CYP4X1: variants seen among roughly 807,000 people sequenced by gnomAD.
The protein encoded by CYP4X1 is cytochrome P450 family 4 subfamily X member 1, also known as cytochrome P450 4X1.
In CYP4X1, 44 loss-of-function variants were observed where a neutral mutation model predicts 57.9. The observed-to-expected ratio is 0.76, with a 90% confidence interval of 0.60 to 0.98. CYP4X1 has a LOEUF of 0.98. CYP4X1 is among the 50% of genes least tolerant of loss of function. CYP4X1 has a pLI of 0.00. For missense variants in CYP4X1, 532 were observed against 623.9 expected (o/e 0.85, Z 1.57); for synonymous variants, 227 against 228.6 (o/e 0.99, Z 0.06).
intron 11 of CYP4X1, among the ~76,000 whole-genome samples, 153 bp from the exon 12 acceptor site, chr1:47,049,847 A>C (rs2148517660): frequency 6.6e-6 from 1 of 151,694 alleles, no homozygotes; most frequent in South Asian, 2.1e-4. Context: ...TCTCACAGTG[A>C]ACAATTTAAG....
At chr1:47,002,809 T>A in the CYP4X1 span, among the ~76,000 whole-genome samples, 20 of 152,242 alleles carry the variant, frequency 1.3e-4, no homozygotes, top group African/African-American at 4.8e-4. Flanking sequence ...AATATTGTGA[T>A]ATGTGGACTA....
rs1644352299 is a variant in CYP4X1 at position 47,050,498 on chromosome 1, T to C, written c.*324T>C. On this transcript the variant is annotated 3_prime_UTR_variant, in exon 12 of 12. Transcript: ENST00000371901. ...ATGCAAGTAATAAGTGCATGTATGCTCACTGTCAAAAATTCCCAACACTAG... is the reference window on the plus strand; with the variant it reads ...ATGCAAGTAATAAGTGCATGTATGCCCACTGTCAAAAATTCCCAACACTAG... 6.0e-6 allele frequency: 1 copy of C among 167,398 alleles called. No individual in the cohort carries two copies. The highest frequency in any genetic ancestry group is 2.4e-5 in the African/African-American group (1 of 41,852). The allele number at this position is 167,398 out of a possible 1,614,324, so 10.4% of individuals were successfully genotyped here.
chr1:47,019,927 C>T (rs1037383806), upstream of CYP4X1, among the ~76,000 whole-genome samples: 4 of 152,194 alleles, frequency 2.6e-5, no homozygotes, highest in African/African-American at 9.7e-5. Context: ...TTTAGCTGTC[C>T]TTATTATATT....
rs757338909 is a variant in CYP4X1, at chr1:47,023,949, C to G, written c.132C>G (p.Arg44=). ...GGCAGCGGCTGCTGCGGGACCTGCG[C>G]CCCTTCCCAGCGCCCCCCACCCACT... ...LRRQRLLRDL[R]PFPAPPTHWF... The change falls in exon 1 of 12, where the codon CGC becomes CGG. Residue 44 remains arginine, a synonymous_variant. Transcript: ENST00000371901. The G allele has an allele frequency of 1.9e-6, 3 of 1,613,240 alleles. No homozygotes were observed. The East Asian group carries it at 6.7e-5, about 36-fold the overall frequency.
chr1:47,026,029 T>G (rs1644059731), intron 1 of CYP4X1, among the ~76,000 whole-genome samples: 1 of 152,170 alleles, frequency 6.6e-6, no homozygotes, highest in Non-Finnish European at 1.5e-5. Context: ...TCCATTGATC[T>G]ATATGTCTAT....
chr1:46,985,622 C>T, the CYP4X1 span, among the ~76,000 whole-genome samples: 1 of 152,178 alleles, frequency 6.6e-6, no homozygotes, highest in African/African-American at 2.4e-5. Context: ...AGAGCTCCGG[C>T]TGGCATCTGG....
At chr1:46,971,068 C>A in the CYP4X1 span, among the ~76,000 whole-genome samples, 1 of 152,064 alleles carries the variant, frequency 6.6e-6, no homozygotes, top group Non-Finnish European at 1.5e-5. Flanking sequence ...ATTTTTGATC[C>A]TTAACCCCCT....
chr1:47,038,995 G>A (rs1410981471), intron 7 of CYP4X1, among the ~76,000 whole-genome samples: 2 of 152,116 alleles, frequency 1.3e-5, no homozygotes, highest in African/African-American at 4.8e-5. Flanking sequence ...AAGATTTGAG[G>A]ATTGTCATAT....
At chr1:47,045,027 G>A (rs1011955505) in intron 8 of CYP4X1, among the ~76,000 whole-genome samples, 2 of 152,102 alleles carry the variant, frequency 1.3e-5, no homozygotes, top group Non-Finnish European at 2.9e-5. Context: ...GTTTCTCCAT[G>A]TTGGTCAGGC....
At chr1:46,984,882 GC>G in the CYP4X1 span, among the ~76,000 whole-genome samples, 1 of 152,204 alleles carries the variant, frequency 6.6e-6, no homozygotes, top group Non-Finnish European at 1.5e-5. Context: ...TGGAAAGGGG[GC>G]TAAAGCCAGA....
At chr1:47,020,804 C>T (rs1396660031), upstream of CYP4X1, among the ~76,000 whole-genome samples, 1 of 152,154 alleles carries the variant, frequency 6.6e-6, no homozygotes, top group African/African-American at 2.4e-5. Flanking sequence ...CTTAATGGAT[C>T]AAAAATATAG....
At chr1:47,053,920 T>A (rs1390928699), downstream of CYP4X1, among the ~76,000 whole-genome samples, 1 of 152,212 alleles carries the variant, frequency 6.6e-6, no homozygotes, top group Non-Finnish European at 1.5e-5. Flanking sequence ...CTCTTTCGTT[T>A]AATTAGATCC....
chr1:47,010,911 T>G, the CYP4X1 span, among the ~76,000 whole-genome samples: 1 of 152,094 alleles, frequency 6.6e-6, no homozygotes, highest in Non-Finnish European at 1.5e-5. Flanking sequence ...TAAAAGAGGA[T>G]ACAAACAAAT....
the CYP4X1 span, chr1:46,961,471 C>T: frequency 1.4e-5 from 14 of 1,013,256 alleles, no homozygotes; most frequent in African/African-American, 3.4e-5. Context: ...TGGTTTGAAC[C>T]GTTCACTGGC....
chr1:47,023,819 TG>T lies in CYP4X1; in HGVS notation c.4del (p.Glu2?). On this transcript the variant is annotated frameshift_variant and start_lost, in exon 1 of 12. Coordinates refer to ENST00000371901, the MANE Select transcript of CYP4X1 (RefSeq NM_178033.2). LOFTEE classifies it high-confidence loss of function. The part of the protein sequence containing the change: [M>X]EFSWLETRWA... ...CGGCGTTCGGCGCTGCGCAGAGCCATGGAATTCTCCTGGCTGGAGACGCGCT... is the reference window on the plus strand; with the variant it reads ...CGGCGTTCGGCGCTGCGCAGAGCCATGAATTCTCCTGGCTGGAGACGCGCT... 1 of 1,612,666 alleles carries T rather than the reference TG, an allele frequency of 6.2e-7. No individual in the cohort carries two copies. Among genetic ancestry groups the T allele is most frequent in the South Asian group, 1.1e-5 (1 of 90,994 alleles).
the CYP4X1 span, among the ~76,000 whole-genome samples, chr1:46,995,534 A>G: frequency 1.2e-4 from 19 of 152,216 alleles, no homozygotes; most frequent in East Asian, 3.7e-3. Context: ...CACTTTTTTC[A>G]TGATTTATTT....
At chr1:46,976,115 A>G in the CYP4X1 span, among the ~76,000 whole-genome samples, 1 of 152,092 alleles carries the variant, frequency 6.6e-6, no homozygotes, top group African/African-American at 2.4e-5. Context: ...GATGCAGCCC[A>G]TGGAGGGCAA....
At chr1:47,042,481 G>C (rs1169776838) in intron 8 of CYP4X1, among the ~76,000 whole-genome samples, 1 of 151,832 alleles carries the variant, frequency 6.6e-6, no homozygotes. Context: ...TATTTCCATA[G>C]GGTTTGGGTA....
chr1:46,993,089 C>T, the CYP4X1 span, among the ~76,000 whole-genome samples: 21 of 122,152 alleles, frequency 1.7e-4, no homozygotes, highest in African/African-American at 5.5e-4. Flanking sequence ...CCCCTCCCCC[C>T]ACCCCACAAC....
Sources: allele counts gnomAD v4.1 joint callset (sites outside exome capture counted in the v4.1 genomes callset), GRCh38; gene constraint gnomAD v4.1.1; transcripts MANE v1.5; gene names NCBI Gene and HGNC (gene_info 2026-07-23, HGNC 2026-07-21).